ZNF385C: variants seen among roughly 807,000 people sequenced by gnomAD.
ZNF385C encodes zinc finger protein 385C, also known as CTD-2132N18.2.
Under a neutral mutation model 35.4 loss-of-function variants are expected in ZNF385C, and 28 were observed. The ratio of observed to expected loss-of-function variants is 0.79; its 90% confidence interval spans 0.59 to 1.08. The LOEUF is 1.08. Among genes scored for constraint, ZNF385C ranks in the 50% least tolerant of loss-of-function variants. The pLI, the probability that ZNF385C is intolerant of heterozygous loss-of-function variation, is 0.00. For missense variants in ZNF385C, 605 were observed against 595.6 expected (o/e 1.02, Z -0.16); for synonymous variants, 248 against 248.2 (o/e 1.00, Z 0.01).
chr17:42,029,271 C>T (rs185896038), intron 5 of ZNF385C, among the ~76,000 whole-genome samples, 198 bp from the exon 6 acceptor site: 1 of 152,196 alleles, frequency 6.6e-6, no homozygotes, highest in Non-Finnish European at 1.5e-5. Flanking sequence ...ACACAGTGGT[C>T]TCAGAAAGCC....
At chr17:42,040,186 G>A (rs1186310999) in intron 2 of ZNF385C, 1 of 1,231,458 alleles carries the variant, frequency 8.1e-7, no homozygotes, top group Non-Finnish European at 1.0e-6. Flanking sequence ...CGCTGCGAAG[G>A]CGGCCACGGC....
intron 1 of ZNF385C, among the ~76,000 whole-genome samples, chr17:42,078,481 G>A (rs1484285905): frequency 1.3e-5 from 2 of 152,004 alleles, no homozygotes; most frequent in Non-Finnish European, 2.9e-5. Flanking sequence ...GCAGGGAGGC[G>A]GGGAACCCAG....
Position 42,062,980 on chromosome 17 carries a change from C to T in ZNF385C, c.77G>A (p.Arg26Gln), listed in dbSNP as rs782748992. The change falls in exon 2 of 9, where the codon CGG becomes CAG. Residue 26 changes from arginine to glutamine, a missense_variant. Physicochemically the swap from Arg to Gln is conservative, Grantham distance 43. Coordinates refer to ENST00000692273, the MANE Select transcript of ZNF385C (RefSeq NM_001392013.1). ...PISGAAECLP[R>Q]PPEPPKPKRE... ...CTTGGGCTTAGGTGGTTCTGGGGGC[C>T]GAGGGAGGCACTCAGCAGCTCCAGA... 10 of 692,720 alleles carry T rather than the reference C, an allele frequency of 1.4e-5. No individual in the cohort carries two copies. In the East Asian group the frequency reaches 1.7e-4, roughly 12 times the overall value. 42.9% of individuals were successfully genotyped at this position (692,720 alleles called of 1,614,324 possible).
At chr17:42,070,331 G>A (rs576132410) in intron 1 of ZNF385C, among the ~76,000 whole-genome samples, 12 of 152,284 alleles carry the variant, frequency 7.9e-5, no homozygotes, top group African/African-American at 2.2e-4. Context: ...GCGACAGAGC[G>A]AGACTCCATC....
intron 3 of ZNF385C, among the ~76,000 whole-genome samples, chr17:42,036,949 TA>T (rs2052869088): frequency 6.6e-6 from 1 of 152,030 alleles, no homozygotes; most frequent in Admixed American, 6.5e-5. Context: ...TTTCAAAATT[TA>T]AAAAAACAGA....
intron 2 of ZNF385C, among the ~76,000 whole-genome samples, chr17:42,053,304 GGAGAGGTGA>G (rs2053317709): frequency 6.6e-6 from 1 of 152,180 alleles, no homozygotes; most frequent in South Asian, 2.1e-4. Flanking sequence ...CCGTCTGTGT[GGAGAGGTGA>G]GCTGGGAGAC....
intron 1 of ZNF385C, among the ~76,000 whole-genome samples, chr17:42,089,982 A>T (rs1399407768): frequency 2.0e-5 from 3 of 152,222 alleles, no homozygotes; most frequent in Non-Finnish European, 2.9e-5. Flanking sequence ...CATTCAAAAC[A>T]TCCTTCGGGT....
Position 42,030,626 on chromosome 17 carries a change from G to A in ZNF385C, c.676+993C>T, listed in dbSNP as rs184446551. 4.5e-3 allele frequency among the ~76,000 whole-genome samples: 691 copies of A among 152,282 alleles called. 4 individuals are homozygous for A. Among genetic ancestry groups the A allele is most frequent in the Middle Eastern group, 0.02 (6 of 294 alleles). Reference sequence around the variant, plus strand: ...GTCAGGATCGTATTTACCATCAGAGGGGTTGTAGTTAGTTGAATAGTGTCT... The same window carrying A: ...GTCAGGATCGTATTTACCATCAGAGAGGTTGTAGTTAGTTGAATAGTGTCT... On this transcript the variant is annotated intron_variant, in intron 5 of 8. Transcript: ENST00000692273.
At chr17:42,093,984 C>CTT (rs782233998) in intron 1 of ZNF385C, among the ~76,000 whole-genome samples, 4 of 137,414 alleles carry the variant, frequency 2.9e-5, no homozygotes, top group African/African-American at 8.0e-5. Flanking sequence ...GCATTATCAC[C>CTT]TTTTTTTTTT....
intron 2 of ZNF385C, among the ~76,000 whole-genome samples, chr17:42,060,216 C>T (rs2143829342): frequency 6.6e-6 from 1 of 152,302 alleles, no homozygotes; most frequent in South Asian, 2.1e-4. Context: ...CCCCACACAC[C>T]CCACATCCCA....
chr17:42,061,207 A>ATTTTTTTTTTTTTTTTTTTTTTTTTT (rs10617911), intron 2 of ZNF385C: 7 of 57,508 alleles, frequency 1.2e-4, no homozygotes, highest in South Asian at 1.2e-3. Context: ...TAATGAGTTA[A>ATTTTTTTTTTTTTTTTTTTTTTTTTT]TTTTTTTTTT....
At position 42,025,950 on chromosome 17, in the gene ZNF385C, T is replaced by C. The variant is rs2052568576; in HGVS notation, c.*947A>G. On this transcript the variant is annotated 3_prime_UTR_variant, in exon 9 of 9. Transcript: ENST00000692273. The stretch of plus-strand genomic sequence containing the variant: ...AGGGGAAAGCTCTTCCTTTGGGAGC[T>C]CTGCGGGGGGTTCGGTGTTAGCTGA... 6.6e-6 allele frequency: 1 copy of C among 152,114 alleles called. No individual in the cohort carries two copies. Among genetic ancestry groups the C allele is most frequent in the Non-Finnish European group, 1.5e-5 (1 of 68,064 alleles). 9.4% of individuals were successfully genotyped at this position (152,114 alleles called of 1,614,324 possible). A position where few individuals can be genotyped will look rare whatever the true frequency, so the allele number is the denominator to read the frequency against.
intron 2 of ZNF385C, among the ~76,000 whole-genome samples, chr17:42,051,591 G>A (rs1430172344): frequency 1.3e-5 from 2 of 152,110 alleles, no homozygotes; most frequent in Non-Finnish European, 2.9e-5. Context: ...ACCAAATGAG[G>A]TGCTAGGTGT....
intron 2 of ZNF385C, among the ~76,000 whole-genome samples, chr17:42,060,342 C>T (rs1469190472): frequency 3.9e-5 from 6 of 152,222 alleles, no homozygotes; most frequent in African/African-American, 1.4e-4. Flanking sequence ...AAAACACTAA[C>T]TGCTCCTGCT....
chr17:42,075,403 A>G (rs1334357284), intron 1 of ZNF385C, among the ~76,000 whole-genome samples: 1 of 152,016 alleles, frequency 6.6e-6, no homozygotes, highest in African/African-American at 2.4e-5. Flanking sequence ...ATGGTGACCA[A>G]CTGACCTGAT....
chr17:42,079,202 AAAT>A lies in ZNF385C; in HGVS notation c.-2-16147_-2-16145del, dbSNP rs1270586481. 4.0e-3 allele frequency among the ~76,000 whole-genome samples: 431 copies of A among 106,646 alleles called. 1 individual carries two copies. The highest frequency in any genetic ancestry group is 7.5e-3 in the African/African-American group (178 of 23,746). 70.0% of individuals were successfully genotyped at this position (106,646 alleles called of 152,430 possible). A position where few individuals can be genotyped will look rare whatever the true frequency, so the allele number is the denominator to read the frequency against. On this transcript the variant is annotated intron_variant, in intron 1 of 8. Transcript: ENST00000692273. The stretch of plus-strand genomic sequence containing the variant: ...CCCTGTCTCGCAAAAAAAAAAAAAA[AAAT>A]ATATATATATATACATATATATATA...
At chr17:42,039,666 G>T in intron 2 of ZNF385C, 1 of 1,231,342 alleles carries the variant, frequency 8.1e-7, no homozygotes, top group South Asian at 4.1e-5. Flanking sequence ...ACAGTGCCCA[G>T]GGCCCCAGGC....
intron 2 of ZNF385C, among the ~76,000 whole-genome samples, chr17:42,057,141 C>G (rs989569616): frequency 4.6e-5 from 7 of 151,828 alleles, no homozygotes; most frequent in Non-Finnish European, 8.8e-5. Context: ...TCTCAATAAA[C>G]AAAACAAAAC....
At chr17:42,064,467 G>A (rs1437267319) in intron 1 of ZNF385C, among the ~76,000 whole-genome samples, 1 of 152,186 alleles carries the variant, frequency 6.6e-6, no homozygotes, top group Non-Finnish European at 1.5e-5. Flanking sequence ...ATAACCCCCA[G>A]TACCTTAGAA....
Sources: allele counts gnomAD v4.1 joint callset (sites outside exome capture counted in the v4.1 genomes callset), GRCh38; gene constraint gnomAD v4.1.1; transcripts MANE v1.5; gene names NCBI Gene and HGNC (gene_info 2026-07-23, HGNC 2026-07-21).